Variants in MAF observed in about 807,000 individuals in gnomAD.
The protein encoded by MAF is transcription factor Maf.
MAF carries 10 observed loss-of-function variants against 22.0 expected under a neutral mutation model. That is an observed-to-expected ratio of 0.45 (90% CI 0.28 to 0.77). The LOEUF (loss-of-function observed/expected upper bound fraction) is 0.77, where lower values mean the gene tolerates loss of function less well. Ranked by LOEUF, MAF falls within the 30% of genes least tolerant of loss-of-function variation. The probability of loss-of-function intolerance (pLI) is 0.12; values close to 1 mark genes in which losing one functional copy is unlikely to be tolerated. For synonymous variants in MAF, 337 were observed against 255.8 expected, an observed-to-expected ratio of 1.32 and a Z score of -3.03; for missense variants, 544 against 548.4, an observed-to-expected ratio of 0.99 and a Z score of 0.08.
rs5818249 is a variant in MAF at position 79,587,869 on chromosome 16, AGGG to A, written c.1119-1931_1119-1929del. The stretch of plus-strand genomic sequence containing the variant: ...TGTTATCAAAGCATTTACTTTCAAA[AGGG>A]GGGGGGGGGTAGATACTATTTGCAC... On this transcript the variant is annotated intron_variant, in intron 1 of 1. Transcript: ENST00000569649. Among the ~76,000 whole-genome samples, 145 of 118,982 alleles carry A rather than the reference AGGG, an allele frequency of 1.2e-3. 2 individuals carry two copies. In the South Asian group the frequency reaches 0.03, roughly 24 times the overall value. The allele number at this position is 118,982 out of a possible 152,430, so 78.1% of individuals were successfully genotyped here.
the MAF span, among the ~76,000 whole-genome samples, chr16:79,447,879 G>A: frequency 1.8e-5 from 1 of 56,776 alleles, no homozygotes; most frequent in African/African-American, 1.2e-4. Flanking sequence ...GAGACAGAGC[G>A]AGATTCCATC....
At chr16:79,384,822 C>T in the MAF span, among the ~76,000 whole-genome samples, 1 of 152,126 alleles carries the variant, frequency 6.6e-6, no homozygotes, top group Non-Finnish European at 1.5e-5. Flanking sequence ...AGTGAAGATT[C>T]AGAAGTTACA....
the MAF span, among the ~76,000 whole-genome samples, chr16:79,406,694 T>C: frequency 6.6e-6 from 1 of 152,202 alleles, no homozygotes; most frequent in Non-Finnish European, 1.5e-5. Flanking sequence ...ACATTCTGTC[T>C]ATAAGAAGAG....
the MAF span, among the ~76,000 whole-genome samples, chr16:79,465,125 TG>T: frequency 2.6e-3 from 403 of 152,316 alleles, 2 homozygotes; most frequent in African/African-American, 9.3e-3. Context: ...TAGTTGTCCC[TG>T]GGTATCTATG....
chr16:79,442,847 C>T, the MAF span, among the ~76,000 whole-genome samples: 5 of 152,134 alleles, frequency 3.3e-5, no homozygotes, highest in Admixed American at 1.3e-4. Flanking sequence ...TAAACCACAC[C>T]CAACAGATCT....
the MAF span, among the ~76,000 whole-genome samples, chr16:79,477,951 T>C: frequency 3.4e-5 from 5 of 146,614 alleles, no homozygotes; most frequent in Non-Finnish European, 7.6e-5. Flanking sequence ...CTCGAACTCC[T>C]GACCTCGTGA....
chr16:79,236,207 G>C, the MAF span, among the ~76,000 whole-genome samples: 2 of 152,044 alleles, frequency 1.3e-5, no homozygotes, highest in Non-Finnish European at 2.9e-5. Flanking sequence ...CGCTCAACTT[G>C]TCCTCTTGAT....
the MAF span, among the ~76,000 whole-genome samples, chr16:79,325,116 A>G: frequency 1.3e-5 from 2 of 152,252 alleles, no homozygotes; most frequent in East Asian, 3.9e-4. Context: ...CCTTAATTTC[A>G]TTATCTCTGC....
chr16:79,405,554 T>A, the MAF span, among the ~76,000 whole-genome samples: 1 of 152,208 alleles, frequency 6.6e-6, no homozygotes, highest in Non-Finnish European at 1.5e-5. Context: ...GAGGAAAGCA[T>A]GGTTTTGACC....
the MAF span, among the ~76,000 whole-genome samples, chr16:79,422,601 G>A: frequency 9.2e-5 from 14 of 152,188 alleles, no homozygotes; most frequent in Middle Eastern, 3.4e-3. Context: ...CAGCTGGGCC[G>A]TCCCTGGTAT....
At chr16:79,452,717 T>C in the MAF span, among the ~76,000 whole-genome samples, 13 of 152,254 alleles carry the variant, frequency 8.5e-5, no homozygotes, top group East Asian at 1.7e-3. Context: ...AACTGAGTCC[T>C]CGTTAAAGGG....
chr16:79,482,012 G>C, the MAF span, among the ~76,000 whole-genome samples: 10 of 152,310 alleles, frequency 6.6e-5, no homozygotes, highest in African/African-American at 2.4e-4. Context: ...GATGATGAAA[G>C]CAAAAACTGC....
chr16:79,273,206 C>T, the MAF span, among the ~76,000 whole-genome samples: 20,007 of 152,132 alleles, frequency 0.13, 1,386 homozygotes, highest in Middle Eastern at 0.24. Context: ...AGGGAACCTC[C>T]TCTGGCCCCA....
the MAF span, among the ~76,000 whole-genome samples, chr16:79,226,450 C>A: frequency 4.1e-3 from 629 of 152,092 alleles, 17 homozygotes; most frequent in Non-Finnish European, 7.5e-4. Flanking sequence ...ATGGGTGCAA[C>A]AAACCACCAT....
the MAF span, among the ~76,000 whole-genome samples, chr16:79,326,502 C>T: frequency 6.6e-6 from 1 of 152,202 alleles, no homozygotes; most frequent in African/African-American, 2.4e-5. Context: ...ATTTTATACA[C>T]TTCAACAGAC....
chr16:79,227,119 T>G, the MAF span, among the ~76,000 whole-genome samples: 8 of 152,222 alleles, frequency 5.3e-5, 1 homozygote, highest in Middle Eastern at 3.4e-3. Flanking sequence ...AGCAGGATCC[T>G]TTCAGTCCAG....
downstream of MAF, among the ~76,000 whole-genome samples, chr16:79,590,574 A>C (rs1326768113): frequency 6.6e-6 from 1 of 152,136 alleles, no homozygotes; most frequent in African/African-American, 2.4e-5. Flanking sequence ...ATTGGACAGG[A>C]GTCAGGTGGG....
At chr16:79,533,784 G>A in the MAF span, among the ~76,000 whole-genome samples, 37 of 152,292 alleles carry the variant, frequency 2.4e-4, no homozygotes, top group Admixed American at 7.8e-4. Flanking sequence ...TTAGCTCTGC[G>A]TGTGAGGATG....
the MAF span, among the ~76,000 whole-genome samples, chr16:79,491,330 C>G: frequency 6.6e-6 from 1 of 152,162 alleles, no homozygotes; most frequent in African/African-American, 2.4e-5. Flanking sequence ...TTAACCAGAA[C>G]TTAGATGTGG....
Sources: allele counts gnomAD v4.1 joint callset (sites outside exome capture counted in the v4.1 genomes callset), GRCh38; gene constraint gnomAD v4.1.1; transcripts MANE v1.5; gene names NCBI Gene and HGNC (gene_info 2026-07-23, HGNC 2026-07-21).